The following ACBD7 variants were observed in gnomAD, a reference collection of about 807,000 sequenced individuals.
ACBD7 encodes the protein acyl-CoA binding domain containing 7.
A neutral mutation model predicts 13.7 loss-of-function variants in ACBD7; 11 were observed. The observed-to-expected ratio is 0.80, with a 90% CI of 0.50 to 1.33. The LOEUF (loss-of-function observed/expected upper bound fraction) is 1.33, where lower values mean the gene tolerates loss of function less well. ACBD7 is among the 40% of genes most tolerant of loss of function. The pLI is 0.00. For missense variants in ACBD7, 111 were observed against 103.0 expected (o/e 1.08, Z -0.33); for synonymous variants, 43 against 37.7 (o/e 1.14, Z -0.51).
At chr10:15,079,770 G>A (rs557542411) in intron 1 of ACBD7, among the ~76,000 whole-genome samples, 99 of 151,990 alleles carry the variant, frequency 6.5e-4, no homozygotes, top group African/African-American at 2.3e-3. Context: ...GTAGACACGG[G>A]GTTTAACCAT....
Position 15,076,944 on chromosome 10 carries a change from A to C in ACBD7, c.*1586T>G. 1.0e-6 allele frequency: 1 copy of C among 984,768 alleles called. No homozygotes were observed. 61.0% of individuals were successfully genotyped at this position (984,768 alleles called of 1,614,324 possible). A position where few individuals can be genotyped will look rare whatever the true frequency, so the allele number is the denominator to read the frequency against. ...GCTAGACTTTCTAAAAAGTCAAAAA[A>C]CAACAGATGTGGAGAAAAGGGAATG... On this transcript the variant is annotated 3_prime_UTR_variant, in exon 4 of 4. Transcript: ENST00000356189.
rs757060358 is a variant in ACBD7, at chr10:15,080,941, AC to A, written c.13-1902del. ...GGAAGTTCAAGGACATATGCTGGCC[AC>A]CCCCTGCCCCCCATACTTCTTCTCT... On this transcript the variant is annotated intron_variant, in intron 1 of 3. Transcript: ENST00000356189. 2.1e-4 allele frequency among the ~76,000 whole-genome samples: 32 copies of A among 152,134 alleles called. No homozygotes were observed. In the East Asian group the frequency reaches 3.7e-3, roughly 17 times the overall value.
rs531392396 is a variant in ACBD7, at chr10:15,082,124, T to C, written c.13-3084A>G. Among the ~76,000 whole-genome samples the C allele has an allele frequency of 4.6e-5, 7 of 151,966 alleles. No homozygotes were observed. The East Asian group carries it at 1.2e-3, about 25-fold the overall frequency. ...CCAACATGGAGAAACCCGTCTCTAC[T>C]GAAAATACAAAATTAGCTGGGCATA... On this transcript the variant is annotated intron_variant, in intron 1 of 3. Transcript: ENST00000356189.
intron 1 of ACBD7, 107 bp downstream of exon 1, chr10:15,088,610 G>T: frequency 7.0e-7 from 1 of 1,432,708 alleles, no homozygotes; most frequent in South Asian, 1.3e-5. Flanking sequence ...CGTGTCCCCC[G>T]GGTCACCGCC....
intron 1 of ACBD7, chr10:15,088,336 C>G (rs938567757): frequency 7.0e-6 from 2 of 283,824 alleles, no homozygotes; most frequent in Non-Finnish European, 6.5e-6. Flanking sequence ...ATTGGAGCCT[C>G]ACAGATCTCT....
chr10:15,087,671 G>T (rs1337888376), intron 1 of ACBD7, among the ~76,000 whole-genome samples: 2 of 152,150 alleles, frequency 1.3e-5, no homozygotes, highest in African/African-American at 2.4e-5. Flanking sequence ...CCAGCTATTT[G>T]GGAGGCTGAG....
chr10:15,076,484 T>C lies in ACBD7; in HGVS notation c.*2046A>G, dbSNP rs1216010334. 2 of 948,074 alleles carry C rather than the reference T, an allele frequency of 2.1e-6. No homozygotes were observed. Among genetic ancestry groups the C allele is most frequent in the African/African-American group, 1.8e-5 (1 of 55,820 alleles). The allele number at this position is 948,074 out of a possible 1,614,324, so 58.7% of individuals were successfully genotyped here. ...GGGGGCTTTTTAAATTTCTTTAAACTGCTATGGACAGACTTGTAATTTTTT... is the reference window on the plus strand; with the variant it reads ...GGGGGCTTTTTAAATTTCTTTAAACCGCTATGGACAGACTTGTAATTTTTT... On this transcript the variant is annotated 3_prime_UTR_variant, in exon 4 of 4. Coordinates refer to ENST00000356189, the MANE Select transcript of ACBD7 (RefSeq NM_001039844.3).
At chr10:15,080,740 T>C (rs1226116112) in intron 1 of ACBD7, among the ~76,000 whole-genome samples, 1 of 152,226 alleles carries the variant, frequency 6.6e-6, no homozygotes, top group Admixed American at 6.5e-5. Context: ...CTCCAGAGCC[T>C]GAGTGTTCCC....
At chr10:15,088,537 C>G in intron 1 of ACBD7, 180 bp downstream of exon 1, 1 of 866,268 alleles carries the variant, frequency 1.2e-6, no homozygotes, top group Non-Finnish European at 1.6e-6. Context: ...GGAGCCCTGG[C>G]TCGCCGTCAG....
chr10:15,088,543 G>A (rs1288003944), intron 1 of ACBD7, 174 bp downstream of exon 1: 1 of 902,030 alleles, frequency 1.1e-6, no homozygotes, highest in Non-Finnish European at 1.6e-6. Flanking sequence ...CTGGCTCGCC[G>A]TCAGCAGGCA....
rs1275486752 is a variant in ACBD7, at chr10:15,075,866, C to T, written c.*2664G>A. 6.6e-6 allele frequency among the ~76,000 whole-genome samples: 1 copy of T among 151,142 alleles called. No homozygotes were observed. Among genetic ancestry groups the T allele is most frequent in the African/African-American group, 2.4e-5 (1 of 41,108 alleles). ...GCACGCACCTGTAGTCCCAGCTACT[C>T]TGGAGGCTGAGATGGGAGGATTGCT... On this transcript the variant is annotated 3_prime_UTR_variant, in exon 4 of 4. Coordinates refer to ENST00000356189, the MANE Select transcript of ACBD7 (RefSeq NM_001039844.3).
rs780810801 is a variant in ACBD7 at position 15,088,746 on chromosome 10, T to C, written c.-18A>G. On this transcript the variant is annotated 5_prime_UTR_variant, in exon 1 of 4. Transcript: ENST00000356189. ...AGGGCCATGGTGGCGGCTGCCGCGT[T>C]GTTGCTGCTGCTGTTGTCGTCCGGT... The C allele has an allele frequency of 5.0e-6, 8 of 1,598,554 alleles. No individual in the cohort carries two copies. The highest frequency in any genetic ancestry group is 2.3e-5 in the East Asian group (1 of 43,110).
At chr10:15,085,935 T>C (rs1318419820) in intron 1 of ACBD7, among the ~76,000 whole-genome samples, 1 of 152,188 alleles carries the variant, frequency 6.6e-6, no homozygotes, top group Non-Finnish European at 1.5e-5. Context: ...AGTACCAATA[T>C]GATCCCCGCA....
intron 1 of ACBD7, among the ~76,000 whole-genome samples, chr10:15,080,716 G>A (rs1844740491): frequency 6.6e-6 from 1 of 152,290 alleles, no homozygotes; most frequent in South Asian, 2.1e-4. Context: ...AAATAGACAA[G>A]GAAGTCCAGT....
In ACBD7 at chr10:15,078,485, G is replaced by C. The variant is rs766346271; in HGVS notation, c.*45C>G. 1 of 1,612,406 alleles carries C rather than the reference G, an allele frequency of 6.2e-7. No homozygotes were observed. The highest frequency in any genetic ancestry group is 8.5e-7 in the Non-Finnish European group (1 of 1,179,722). On this transcript the variant is annotated 3_prime_UTR_variant, in exon 4 of 4. Transcript: ENST00000356189. ...TCCCTCTAAATGTTAGGTCATGATA[G>C]CATTTGGAAGTCTTCAAAAGGAAAA...
intron 1 of ACBD7, among the ~76,000 whole-genome samples, chr10:15,088,072 C>T (rs1201297658): frequency 7.0e-6 from 1 of 142,068 alleles, no homozygotes; most frequent in East Asian, 2.1e-4. Flanking sequence ...TACTGTTTTA[C>T]GTGTAGGAAT....
At position 15,078,170 on chromosome 10, in the gene ACBD7, C is replaced by A. The variant is rs909642676; in HGVS notation, c.*360G>T. On this transcript the variant is annotated 3_prime_UTR_variant, in exon 4 of 4. Coordinates refer to ENST00000356189, the MANE Select transcript of ACBD7 (RefSeq NM_001039844.3). ...CCATGTGTTCTCATTGTTCAACTCC[C>A]ACTTATGAGTGAGAACATGCTTGGT... 18 of 260,616 alleles carry A rather than the reference C, an allele frequency of 6.9e-5. No homozygotes were observed. Among genetic ancestry groups the A allele is most frequent in the African/African-American group, 3.6e-4 (16 of 44,144 alleles). The allele number at this position is 260,616 out of a possible 1,614,324, so 16.1% of individuals were successfully genotyped here.
chr10:15,079,828 TG>T (rs2131393597), intron 1 of ACBD7, among the ~76,000 whole-genome samples: 1 of 151,684 alleles, frequency 6.6e-6, no homozygotes, highest in East Asian at 1.9e-4. Flanking sequence ...CCACCCACCT[TG>T]GCCTCCCGAA....
intron 1 of ACBD7, among the ~76,000 whole-genome samples, chr10:15,083,138 G>A (rs1391548705): frequency 6.6e-6 from 1 of 152,110 alleles, no homozygotes; most frequent in Non-Finnish European, 1.5e-5. Flanking sequence ...CCATTTCAGG[G>A]GTCCCCGCTC....
Sources: allele counts gnomAD v4.1 joint callset (sites outside exome capture counted in the v4.1 genomes callset), GRCh38; gene constraint gnomAD v4.1.1; transcripts MANE v1.5; gene names NCBI Gene and HGNC (gene_info 2026-07-23, HGNC 2026-07-21).